CD163: variants seen among roughly 807,000 people sequenced by gnomAD.
CD163 encodes scavenger receptor cysteine-rich type 1 protein M130.
Under a neutral mutation model 129.2 loss-of-function variants are expected in CD163, and 64 were observed. The ratio of observed to expected loss-of-function variants is 0.50; its 90% CI spans 0.41 to 0.61. CD163 has a LOEUF of 0.61. Among genes scored for constraint, CD163 ranks in the 20% least tolerant of loss-of-function variants. The probability of loss-of-function intolerance (pLI) is 0.00; values close to 1 mark genes in which losing one functional copy is unlikely to be tolerated. For missense variants in CD163, 1,061 were observed against 1,377.9 expected (o/e 0.77, Z 3.64); for synonymous variants, 446 against 478.5 (o/e 0.93, Z 0.89).
chr12:7,480,927 T>C, intron 15 of CD163: 3 of 1,196,290 alleles, frequency 2.5e-6, no homozygotes, highest in Non-Finnish European at 3.1e-6. Context: ...CATGGTTCTT[T>C]CCATACCTCT....
chr12:7,479,088 A>G (rs1949126384), intron 16 of CD163, among the ~76,000 whole-genome samples: 2 of 152,082 alleles, frequency 1.3e-5, no homozygotes, highest in South Asian at 4.1e-4. Flanking sequence ...ACAGACCCCC[A>G]GTGAAAGAGA....
chr12:7,490,540 A>C lies in CD163; in HGVS notation c.1421-2453T>G, dbSNP rs745419418. On this transcript the variant is annotated intron_variant, in intron 6 of 16. Coordinates refer to ENST00000432237, the MANE Select transcript of CD163 (RefSeq NM_203416.4). ...ATGCAGTTGAAAATTAGACCTTCTG[A>C]AGGTCTTAAGTCCTTTATAGATACC... 1.2e-4 allele frequency among the ~76,000 whole-genome samples: 19 copies of C among 152,090 alleles called. No homozygotes were observed. The South Asian group carries it at 3.9e-3, about 32-fold the overall frequency.
intron 16 of CD163, among the ~76,000 whole-genome samples, chr12:7,479,085 C>T (rs1419087937): frequency 1.3e-5 from 2 of 152,124 alleles, no homozygotes; most frequent in Non-Finnish European, 2.9e-5. Context: ...TCAACAGACC[C>T]CCAGTGAAAG....
chr12:7,499,783 G>A (rs1341765056), intron 3 of CD163, among the ~76,000 whole-genome samples: 2 of 152,128 alleles, frequency 1.3e-5, no homozygotes, highest in African/African-American at 2.4e-5. Flanking sequence ...AGGAGGAGAA[G>A]GAGGAGAAGG....
rs1949251220 is a variant in CD163 at position 7,486,550 on chromosome 12, A to G, written c.2407T>C (p.Trp803Arg). 1 of 1,614,098 alleles carries G rather than the reference A, an allele frequency of 6.2e-7. No homozygotes were observed. The highest frequency in any genetic ancestry group is 8.5e-7 in the Non-Finnish European group (1 of 1,180,044). The change falls in exon 10 of 17, where the codon TGG becomes CGG. Residue 803 changes from tryptophan to arginine, a missense_variant. Trp to Arg is a moderately radical substitution (Grantham distance 101). Coordinates refer to ENST00000432237, the MANE Select transcript of CD163 (RefSeq NM_203416.4). ...TTGTGCCTGCAATTTTGCTGCCCCC[A>G]GCCGTGTGAATGGCACTGCCAAATG... ...SRIWQCHSHG[W>R]GQQNCRHKED...
chr12:7,487,494 C>T lies in CD163; in HGVS notation c.1915G>A (p.Gly639Arg), dbSNP rs1162001846. 1 of 1,614,112 alleles carries T rather than the reference C, an allele frequency of 6.2e-7. No individual in the cohort carries two copies. The highest frequency in any genetic ancestry group is 8.5e-7 in the Non-Finnish European group (1 of 1,180,030). ...ALSTPGGARF[G>R]KGNGQIWRHM... is the part of the protein sequence containing the mutation. ...CTCCAGATCTGACCATTTCCTTTTC[C>T]AAAACGTGCTCCTCCTGGGGTAGAA... Residue 639 changes from glycine to arginine, a missense_variant, in exon 8 of 17, where the codon GGA becomes AGA. Transcript: ENST00000432237. The surrounding 1 kb of genome is among the most constrained non-coding windows in gnomAD (Gnocchi z 5.1).
intron 2 of CD163, among the ~76,000 whole-genome samples, 171 bp from the exon 3 acceptor site, chr12:7,501,633 G>A (rs1441903291): frequency 6.6e-6 from 1 of 152,248 alleles, no homozygotes; most frequent in Non-Finnish European, 1.5e-5. Context: ...ATAAGTATCA[G>A]TATCACTGGT....
Position 7,498,900 on chromosome 12 carries a change from TCA to T in CD163, c.744_745del (p.Cys248Ter), listed in dbSNP as rs1184509879. ...AATCACTCCAGCATCCTCAGCATGA[TCA>T]CAGTTATGCTTTCCCCATCCTTGAT... On this transcript the variant is annotated stop_gained and frameshift_variant, in exon 4 of 17. Transcript: ENST00000432237. LOFTEE classifies it high-confidence loss of function. The T allele has an allele frequency of 1.2e-6, 2 of 1,614,102 alleles. No individual in the cohort carries two copies. Among genetic ancestry groups the T allele is most frequent in the South Asian group, 1.1e-5 (1 of 91,078 alleles).
At position 7,501,581 on chromosome 12, in the gene CD163, C is replaced by G. The variant is rs1592014303; in HGVS notation, c.134-119G>C. The G allele has an allele frequency of 9.9e-6, 7 of 704,320 alleles. No individual in the cohort carries two copies. In the East Asian group the frequency reaches 1.5e-4, roughly 15 times the overall value. The allele number at this position is 704,320 out of a possible 1,614,324, so 43.6% of individuals were successfully genotyped here. On this transcript the variant is annotated intron_variant, in intron 2 of 16. Transcript: ENST00000432237. ...GATTTGAGAACCATCCTAGTCCTAT[C>G]CATGGTAAAACAGAAGAATGTTATT...
chr12:7,471,029 TAAG>T lies in CD163; in HGVS notation c.*397_*399del, dbSNP rs749717393. On this transcript the variant is annotated 3_prime_UTR_variant, in exon 17 of 17. Transcript: ENST00000432237. ...TAATAGGAAAATTATTCAAACCAAA[TAAG>T]AAAAAATATACAGTACTGTATATGC... The T allele has an allele frequency of 6.6e-6, 1 of 151,824 alleles. No individual in the cohort carries two copies. Among genetic ancestry groups the T allele is most frequent in the Non-Finnish European group, 1.5e-5 (1 of 67,962 alleles). 9.4% of individuals were successfully genotyped at this position (151,824 alleles called of 1,614,324 possible). A position where few individuals can be genotyped will look rare whatever the true frequency, so the allele number is the denominator to read the frequency against.
intron 16 of CD163, among the ~76,000 whole-genome samples, chr12:7,473,675 A>C (rs1443938028): frequency 3.3e-5 from 5 of 152,228 alleles, no homozygotes; most frequent in Non-Finnish European, 7.3e-5. Flanking sequence ...ACTAATGTGC[A>C]AAATAACCAG....
chr12:7,492,846 T>G (rs1949344370), intron 6 of CD163, among the ~76,000 whole-genome samples: 1 of 152,168 alleles, frequency 6.6e-6, no homozygotes, highest in Admixed American at 6.5e-5. Flanking sequence ...ACTGTAGCCT[T>G]GTCAGAAGAT....
rs141949383 is a variant in CD163, at chr12:7,475,035, G to A, written c.*32-3638C>T. On this transcript the variant is annotated intron_variant, in intron 16 of 16. Coordinates refer to ENST00000432237, the MANE Select transcript of CD163 (RefSeq NM_203416.4). The stretch of plus-strand genomic sequence containing the variant: ...CCCAAGACTAAACGAGGAAGAAGTC[G>A]AATTTCTGACTAGACCAATAACAAG... Among the ~76,000 whole-genome samples the A allele has an allele frequency of 5.5e-3, 692 of 125,164 alleles. 5 individuals are homozygous for A. Among genetic ancestry groups the A allele is most frequent in the African/African-American group, 0.02 (651 of 32,628 alleles). The allele number at this position is 125,164 out of a possible 152,430, so 82.1% of individuals were successfully genotyped here.
At chr12:7,495,873 G>C (rs1949392628) in intron 5 of CD163, among the ~76,000 whole-genome samples, 1 of 152,178 alleles carries the variant, frequency 6.6e-6, no homozygotes, top group Non-Finnish European at 1.5e-5. Flanking sequence ...TTACACTGTT[G>C]GTGGGAGTGT....
At chr12:7,493,962 C>T (rs1949362472) in intron 6 of CD163, among the ~76,000 whole-genome samples, 1 of 152,120 alleles carries the variant, frequency 6.6e-6, no homozygotes, top group Admixed American at 6.6e-5. Flanking sequence ...TAATTTCAGA[C>T]AGCTCTTTAA....
chr12:7,475,851 C>A (rs903979173), intron 16 of CD163, among the ~76,000 whole-genome samples: 1 of 152,006 alleles, frequency 6.6e-6, no homozygotes, highest in African/African-American at 2.4e-5. Context: ...TTGTCTCAGC[C>A]GAAAAACTCC....
chr12:7,502,668 C>A, intron 1 of CD163, 104 bp from the exon 2 acceptor site: 4 of 699,568 alleles, frequency 5.7e-6, no homozygotes, highest in Non-Finnish European at 1.0e-5. Context: ...CAAACCAAGA[C>A]AGAAAACTCT....
chr12:7,473,412 C>T (rs1949035340), intron 16 of CD163, among the ~76,000 whole-genome samples: 3 of 152,052 alleles, frequency 2.0e-5, no homozygotes, highest in Admixed American at 6.5e-5. Flanking sequence ...AGAGTGGGGG[C>T]CAATATTTAA....
At position 7,475,644 on chromosome 12, in the gene CD163, C is replaced by A. The variant is rs1949077349; in HGVS notation, c.*31+4216G>T. The stretch of plus-strand genomic sequence containing the variant: ...CATAGCCAATATAATATTGAATGGG[C>A]AAAACCTAGAAGCATTCCTTTTGAA... On this transcript the variant is annotated intron_variant, in intron 16 of 16. Transcript: ENST00000432237. 4.6e-5 allele frequency among the ~76,000 whole-genome samples: 7 copies of A among 152,160 alleles called. No individual in the cohort carries two copies. In the South Asian group the frequency reaches 1.5e-3, roughly 32 times the overall value.
Sources: gnomAD v4.1 joint callset for allele counts (sites outside exome capture counted in the v4.1 genomes callset) on GRCh38, gnomAD v4.1.1 for gene constraint, Gnocchi (gnomAD v3.1) non-coding constraint, MANE v1.5 for transcripts, NCBI Gene and HGNC (gene_info 2026-07-23, HGNC 2026-07-21) for gene names.